The following STAG1 variants were observed in gnomAD, a reference collection of about 807,000 sequenced individuals.
STAG1 encodes the protein cohesin subunit SA-1.
STAG1 carries 26 observed loss-of-function variants against 170.9 expected under a neutral mutation model. The observed-to-expected ratio is 0.15, with a 90% CI of 0.11 to 0.21. The LOEUF (loss-of-function observed/expected upper bound fraction) is 0.21, where lower values mean the gene tolerates loss of function less well. Among genes scored for constraint, STAG1 ranks in the 10% least tolerant of loss-of-function variants. The pLI is 1.00. For synonymous variants in STAG1, 514 were observed against 497.7 expected (o/e 1.03, Z -0.44); for missense variants, 964 against 1,509.5 (o/e 0.64, Z 5.99).
intron 21 of STAG1, among the ~76,000 whole-genome samples, chr3:136,416,413 A>G (rs2087774185): frequency 1.3e-5 from 2 of 152,248 alleles, no homozygotes; most frequent in Admixed American, 6.5e-5. Context: ...GAAAACCAAA[A>G]TAACAAAGAC....
chr3:136,445,564 G>A (rs1576472255), intron 14 of STAG1, among the ~76,000 whole-genome samples: 1 of 152,220 alleles, frequency 6.6e-6, no homozygotes, highest in African/African-American at 2.4e-5. Flanking sequence ...CAATATAAAT[G>A]TACTTAATGC....
chr3:136,652,991 GC>G (rs1326731447), intron 1 of STAG1, among the ~76,000 whole-genome samples: 1 of 152,088 alleles, frequency 6.6e-6, no homozygotes, highest in Non-Finnish European at 1.5e-5. Context: ...TTAAGAACTA[GC>G]AGCCGGGCAC....
rs772626203 is a variant in STAG1 at position 136,417,936 on chromosome 3, A to G, written c.2145T>C (p.Asn715=). ...HDLTKWDLFG[N]CYRLLKTGIE... ...TTCCAGTCTTCAATAATCTGTAGCA[A>G]TTACCAAAGAGATCCCATTTTGTGA... Residue 715 remains asparagine, a synonymous_variant, in exon 21 of 34, where the codon AAT becomes AAC. Transcript: ENST00000383202. 1.9e-6 allele frequency: 3 copies of G among 1,614,044 alleles called. No individual in the cohort carries two copies. Among genetic ancestry groups the G allele is most frequent in the Admixed American group, 1.7e-5 (1 of 60,012 alleles).
intron 1 of STAG1, among the ~76,000 whole-genome samples, chr3:136,647,430 C>T (rs939538748): frequency 6.6e-6 from 1 of 151,950 alleles, no homozygotes; most frequent in African/African-American, 2.4e-5. Context: ...TTAGCCGGGC[C>T]TGGTAGCGCT....
At position 136,443,837 on chromosome 3, in the gene STAG1, T is replaced by G. The variant is rs147198312; in HGVS notation, c.1429-433A>C. 2.0e-3 allele frequency among the ~76,000 whole-genome samples: 308 copies of G among 152,296 alleles called. 8 individuals carry two copies. The East Asian group carries it at 0.049, about 24-fold the overall frequency. ...GGACCAGCTGTACTTACTTCACATC[T>G]CTGTCATCTTAGTCAAAGTAAAAAA... On this transcript the variant is annotated intron_variant, in intron 14 of 33. Transcript: ENST00000383202.
chr3:136,572,421 C>T (rs1019142821), intron 4 of STAG1, among the ~76,000 whole-genome samples: 30 of 151,554 alleles, frequency 2.0e-4, no homozygotes, highest in Admixed American at 9.2e-4. Context: ...TAGCAAAACC[C>T]GCCTCTACCA....
chr3:136,740,181 T>C (rs1288365473), intron 1 of STAG1, among the ~76,000 whole-genome samples: 1 of 152,072 alleles, frequency 6.6e-6, no homozygotes, highest in Non-Finnish European at 1.5e-5. Context: ...AGGCGGAGGT[T>C]TCAGTGAGCC....
At chr3:136,649,080 T>C (rs187359449) in intron 1 of STAG1, among the ~76,000 whole-genome samples, 6 of 152,340 alleles carry the variant, frequency 3.9e-5, no homozygotes, top group Admixed American at 2.6e-4. Context: ...AATTATATAC[T>C]TGTAGTTCAT....
At position 136,498,233 on chromosome 3, in the gene STAG1, T is replaced by TATATATACACACAC; in HGVS notation, c.902+1989_902+1990insGTGTGTGTATATAT. ...AATTATATATATATATATATATATA[T>TATATATACACACAC]ACACATACATATACATACACACACA... On this transcript the variant is annotated intron_variant, in intron 9 of 33. Coordinates refer to ENST00000383202, the MANE Select transcript of STAG1 (RefSeq NM_005862.3). 1.0e-4 allele frequency among the ~76,000 whole-genome samples: 6 copies of TATATATACACACAC among 57,492 alleles called. 1 individual carries two copies. The highest frequency in any genetic ancestry group is 6.2e-4 in the African/African-American group (6 of 9,674). 37.7% of individuals were successfully genotyped at this position (57,492 alleles called of 152,430 possible). A position where few individuals can be genotyped will look rare whatever the true frequency, so the allele number is the denominator to read the frequency against.
chr3:136,473,293 A>T (rs1006029626), intron 11 of STAG1, among the ~76,000 whole-genome samples: 1 of 152,184 alleles, frequency 6.6e-6, no homozygotes, highest in Non-Finnish European at 1.5e-5. Context: ...TGTAATAACA[A>T]CAGAAATAAA....
At chr3:136,733,860 C>A (rs994582028) in intron 1 of STAG1, among the ~76,000 whole-genome samples, 5 of 152,298 alleles carry the variant, frequency 3.3e-5, no homozygotes, top group Admixed American at 3.3e-4. Context: ...GTAATCCCAG[C>A]GCTTCAGGAG....
intron 9 of STAG1, among the ~76,000 whole-genome samples, chr3:136,485,735 C>T (rs1372036605): frequency 6.6e-6 from 1 of 152,132 alleles, no homozygotes. Context: ...CTCTGTTTAA[C>T]GTCATATGTA....
Position 136,688,044 on chromosome 3 carries a change from A to C in STAG1, c.-83-57063T>G, listed in dbSNP as rs1942596556. ...GAGCCACGGTGCCCAGCCAGAAGAG[A>C]CTAATTTATACTGGCCTGGTCCAAG... On this transcript the variant is annotated intron_variant, in intron 1 of 33. Transcript: ENST00000383202. Among the ~76,000 whole-genome samples, 5 of 151,980 alleles carry C rather than the reference A, an allele frequency of 3.3e-5. No individual in the cohort carries two copies. The South Asian group carries it at 1.0e-3, about 32-fold the overall frequency.
chr3:136,629,840 T>A (rs556550992), intron 2 of STAG1, among the ~76,000 whole-genome samples: 2 of 152,288 alleles, frequency 1.3e-5, no homozygotes, highest in African/African-American at 4.8e-5. Flanking sequence ...TGCATCATGA[T>A]AAAAGCTATG....
chr3:136,545,057 CT>C (rs964376872), intron 5 of STAG1, among the ~76,000 whole-genome samples: 4 of 150,630 alleles, frequency 2.7e-5, no homozygotes, highest in Non-Finnish European at 4.4e-5. Flanking sequence ...TTTTTTATTT[CT>C]TTTTTTTTGA....
At chr3:136,366,127 AG>A (rs1265357110) in intron 25 of STAG1, among the ~76,000 whole-genome samples, 1 of 152,076 alleles carries the variant, frequency 6.6e-6, no homozygotes, top group Non-Finnish European at 1.5e-5. Context: ...TAAGCTTTGA[AG>A]TTAGACAAGC....
At chr3:136,438,585 T>C (rs2088531520) in intron 15 of STAG1, among the ~76,000 whole-genome samples, 1 of 152,092 alleles carries the variant, frequency 6.6e-6, no homozygotes. Flanking sequence ...TCCATCAGGA[T>C]TCAGTCTAAA....
At chr3:136,623,983 G>T (rs1300021227) in intron 2 of STAG1, among the ~76,000 whole-genome samples, 1 of 151,812 alleles carries the variant, frequency 6.6e-6, no homozygotes, top group African/African-American at 2.4e-5. Flanking sequence ...AGACATAAAG[G>T]ATACTTAGCA....
intron 3 of STAG1, 21 bp downstream of exon 3, chr3:136,623,125 G>C (rs1406532017): frequency 1.3e-6 from 2 of 1,592,592 alleles, no homozygotes; most frequent in Non-Finnish European, 1.7e-6. Context: ...AAGGAACAAA[G>C]AAGACAAGCA....
Sources: gnomAD v4.1 joint callset for allele counts (sites outside exome capture counted in the v4.1 genomes callset) on GRCh38, gnomAD v4.1.1 for gene constraint, MANE v1.5 for transcripts, NCBI Gene and HGNC (gene_info 2026-07-23, HGNC 2026-07-21) for gene names.